The following COMMD10 variants were observed in gnomAD, a reference collection of about 807,000 sequenced individuals.
COMMD10 encodes the protein COMM domain-containing protein 10.
A neutral mutation model predicts 28.9 loss-of-function variants in COMMD10; 33 were observed. That is an observed-to-expected ratio of 1.14 (90% CI 0.87 to 1.53). COMMD10 has a LOEUF of 1.53. COMMD10 is among the 40% of genes most tolerant of loss of function. The pLI is 0.00. For synonymous variants in COMMD10, 110 were observed against 81.7 expected, an observed-to-expected ratio of 1.35 and a Z score of -1.87; for missense variants, 310 against 233.4, an observed-to-expected ratio of 1.33 and a Z score of -2.14.
At chr5:116,291,269 A>G (rs12515251) in intron 5 of COMMD10, among the ~76,000 whole-genome samples, 11,171 of 152,264 alleles carry the variant, frequency 0.073, 476 homozygotes, top group Admixed American at 0.13. Flanking sequence ...TCTTACTGGC[A>G]TATGTTTTAT....
intron 4 of COMMD10, among the ~76,000 whole-genome samples, chr5:116,110,548 G>A (rs1260992051): frequency 1.3e-5 from 2 of 152,084 alleles, no homozygotes; most frequent in Admixed American, 1.3e-4. Context: ...ACCCATTATT[G>A]GTCTATTCAG....
intron 1 of COMMD10, chr5:116,085,434 C>T: frequency 3.1e-6 from 1 of 326,166 alleles, no homozygotes. Context: ...TGCCGAATCA[C>T]GTGGAACGGT....
chr5:116,271,282 A>T (rs1750746518), intron 5 of COMMD10, among the ~76,000 whole-genome samples: 3 of 147,374 alleles, frequency 2.0e-5, no homozygotes, highest in Non-Finnish European at 3.0e-5. Flanking sequence ...TTATCTTTTT[A>T]AATTTTTATA....
At chr5:116,269,375 T>G (rs1580600105) in intron 5 of COMMD10, among the ~76,000 whole-genome samples, 1 of 152,002 alleles carries the variant, frequency 6.6e-6, no homozygotes, top group Middle Eastern at 3.4e-3. Context: ...TGCCCCAATT[T>G]ATGAACCAAG....
intron 5 of COMMD10, among the ~76,000 whole-genome samples, chr5:116,225,391 G>T (rs1354316825): frequency 7.8e-5 from 9 of 115,494 alleles, no homozygotes; most frequent in Non-Finnish European, 1.6e-4. Flanking sequence ...GAAATTTCTG[G>T]TTGAAAACTA....
intron 5 of COMMD10, among the ~76,000 whole-genome samples, chr5:116,240,551 G>C (rs1350708559): frequency 1.3e-5 from 2 of 152,136 alleles, no homozygotes; most frequent in Non-Finnish European, 2.9e-5. Flanking sequence ...TTATGCAGCT[G>C]GTAGGAGTTC....
At chr5:116,289,093 G>A (rs1461155061) in intron 5 of COMMD10, among the ~76,000 whole-genome samples, 1 of 151,458 alleles carries the variant, frequency 6.6e-6, no homozygotes, top group African/African-American at 2.4e-5. Flanking sequence ...TGTTGGCCAT[G>A]CTGGTCTCGA....
chr5:116,112,091 A>G (rs1430184474), intron 4 of COMMD10, among the ~76,000 whole-genome samples: 2 of 152,076 alleles, frequency 1.3e-5, no homozygotes, highest in Non-Finnish European at 2.9e-5. Context: ...TTTCTTGTAG[A>G]GCTGGTCTAC....
intron 5 of COMMD10, among the ~76,000 whole-genome samples, chr5:116,239,267 C>G (rs1749754873): frequency 6.6e-6 from 1 of 152,110 alleles, no homozygotes; most frequent in Non-Finnish European, 1.5e-5. Flanking sequence ...GTAACAAATA[C>G]TTTTTAAATA....
intron 2 of COMMD10, 55 bp downstream of exon 2, chr5:116,087,642 G>C (rs1162962968): frequency 9.6e-6 from 12 of 1,253,160 alleles, no homozygotes; most frequent in African/African-American, 2.9e-5. Context: ...TTAATTGAAA[G>C]TCTGATTATT....
At chr5:116,213,427 A>C (rs2112636040) in intron 5 of COMMD10, among the ~76,000 whole-genome samples, 1 of 152,300 alleles carries the variant, frequency 6.6e-6, no homozygotes, top group East Asian at 1.9e-4. Context: ...TGGTAAAAAT[A>C]ATCACTGAAT....
At chr5:116,236,154 C>T (rs1197655771) in intron 5 of COMMD10, among the ~76,000 whole-genome samples, 1 of 152,000 alleles carries the variant, frequency 6.6e-6, no homozygotes, top group African/African-American at 2.4e-5. Flanking sequence ...AAGATGTCTT[C>T]CAGAGGATAA....
intron 5 of COMMD10, among the ~76,000 whole-genome samples, chr5:116,184,246 A>T (rs4507525): frequency 1.3e-5 from 2 of 150,462 alleles, no homozygotes; most frequent in Admixed American, 1.3e-4. Context: ...CAGGATGTCA[A>T]TCCTTTTGTG....
chr5:116,273,993 G>A (rs1024455719), intron 5 of COMMD10, among the ~76,000 whole-genome samples: 4 of 151,608 alleles, frequency 2.6e-5, no homozygotes, highest in Admixed American at 6.6e-5. Context: ...GTCATAAAAT[G>A]TATGTAAATA....
chr5:116,217,033 C>A (rs1249948507), intron 5 of COMMD10, among the ~76,000 whole-genome samples: 1 of 151,718 alleles, frequency 6.6e-6, no homozygotes, highest in Admixed American at 6.6e-5. Flanking sequence ...TAGACATAGT[C>A]ATTACATAGT....
intron 5 of COMMD10, among the ~76,000 whole-genome samples, chr5:116,145,587 C>G (rs1391039836): frequency 2.0e-5 from 3 of 151,702 alleles, no homozygotes; most frequent in Admixed American, 2.0e-4. Context: ...ATGCTGGAAC[C>G]TAGCCATACT....
At chr5:116,169,474 TC>T (rs1236644984) in intron 5 of COMMD10, among the ~76,000 whole-genome samples, 1 of 152,128 alleles carries the variant, frequency 6.6e-6, no homozygotes, top group African/African-American at 2.4e-5. Context: ...GAGGGACTCC[TC>T]CCTAATTCAT....
intron 5 of COMMD10, among the ~76,000 whole-genome samples, chr5:116,154,617 T>C (rs531751269): frequency 8.1e-4 from 124 of 152,306 alleles, no homozygotes; most frequent in African/African-American, 2.8e-3. Context: ...GTAAGACTTA[T>C]ACATTAAGTG....
Position 116,129,711 on chromosome 5 carries a change from G to A in COMMD10, c.400-4357G>A, listed in dbSNP as rs1172244758. Among the ~76,000 whole-genome samples, 15 of 3,600 alleles carry A rather than the reference G, an allele frequency of 4.2e-3. 1 individual carries two copies. Among genetic ancestry groups the A allele is most frequent in the African/African-American group, 0.02 (13 of 656 alleles). The allele number at this position is 3,600 out of a possible 152,430, so 2.4% of individuals were successfully genotyped here. On this transcript the variant is annotated intron_variant, in intron 4 of 6. Transcript: ENST00000274458. Reference sequence around the variant, plus strand: ...TATATACTATGTAATATACATTAGTGTATATATATACTATATACTATGTGA... The same window carrying A: ...TATATACTATGTAATATACATTAGTATATATATATACTATATACTATGTGA...
Sources: gnomAD v4.1 joint callset for allele counts (sites outside exome capture counted in the v4.1 genomes callset) on GRCh38, gnomAD v4.1.1 for gene constraint, MANE v1.5 for transcripts, NCBI Gene and HGNC (gene_info 2026-07-23, HGNC 2026-07-21) for gene names.